The following GLRA3 variants were observed in gnomAD, a reference collection of about 807,000 sequenced individuals.
GLRA3 encodes glycine receptor subunit alpha-3.
A neutral mutation model predicts 60.4 loss-of-function variants in GLRA3; 44 were observed. The ratio of observed to expected loss-of-function variants is 0.73; its 90% confidence interval spans 0.57 to 0.94. The LOEUF (loss-of-function observed/expected upper bound fraction) is 0.94, where lower values mean the gene tolerates loss of function less well. Ranked by LOEUF, GLRA3 falls within the 40% of genes least tolerant of loss-of-function variation. The pLI is 0.00. For missense variants in GLRA3, 508 were observed against 564.6 expected (o/e 0.90, Z 1.02); for synonymous variants, 223 against 192.9 (o/e 1.16, Z -1.29).
chr4:174,696,716 T>G (rs10213085), intron 5 of GLRA3, among the ~76,000 whole-genome samples: 28,108 of 151,956 alleles, frequency 0.18, 2,856 homozygotes, highest in East Asian at 0.34. Context: ...GTTTTTAAAT[T>G]TACTGTATTT....
intron 5 of GLRA3, among the ~76,000 whole-genome samples, chr4:174,691,519 G>A (rs1350260498): frequency 6.6e-6 from 1 of 152,190 alleles, no homozygotes; most frequent in Admixed American, 6.5e-5. Flanking sequence ...CCTGCCGAGT[G>A]CCTGCGATTG....
In GLRA3 at chr4:174,684,271, G is replaced by T. The variant is rs1052922321; in HGVS notation, c.575-1332C>A. 4.6e-5 allele frequency among the ~76,000 whole-genome samples: 7 copies of T among 151,644 alleles called. No individual in the cohort carries two copies. The East Asian group carries it at 1.4e-3, about 29-fold the overall frequency. ...CCTCATGAAAATAAATAACAACTTG[G>T]GGTTAAAAAAAAAAGAAAAAGAAAA... On this transcript the variant is annotated intron_variant, in intron 5 of 9. Coordinates refer to ENST00000274093, the MANE Select transcript of GLRA3 (RefSeq NM_006529.4).
intron 5 of GLRA3, among the ~76,000 whole-genome samples, chr4:174,703,092 C>A (rs1045942480): frequency 1.3e-5 from 2 of 152,152 alleles, no homozygotes; most frequent in African/African-American, 4.8e-5. Context: ...TTGCCAGGAA[C>A]TGGGGACTAT....
At chr4:174,781,805 C>A (rs1307565385) in intron 2 of GLRA3, among the ~76,000 whole-genome samples, 11 of 152,226 alleles carry the variant, frequency 7.2e-5, no homozygotes, top group Admixed American at 2.0e-4. Context: ...ACATGCTCTG[C>A]AATTGTGGCA....
At position 174,820,344 on chromosome 4, in the gene GLRA3, T is replaced by C. The variant is rs114462206; in HGVS notation, c.71+8397A>G. Among the ~76,000 whole-genome samples the C allele has an allele frequency of 5.0e-4, 76 of 152,304 alleles. 2 individuals are homozygous for C. Among genetic ancestry groups the C allele is most frequent in the Non-Finnish European group, 3.7e-4 (25 of 68,028 alleles). On this transcript the variant is annotated intron_variant, in intron 1 of 9. Transcript: ENST00000274093. Reference sequence around the variant, plus strand: ...AGTTTTGGTTATGCCTGGAGTTATTTATCTGAAATTGTTAATGTGCTTTAG... The same window carrying C: ...AGTTTTGGTTATGCCTGGAGTTATTCATCTGAAATTGTTAATGTGCTTTAG...
Position 174,694,108 on chromosome 4 carries a change from A to G in GLRA3, c.575-11169T>C, listed in dbSNP as rs571803446. The stretch of plus-strand genomic sequence containing the variant: ...TAAAGCAAGTTCTTAGAGACCTACA[A>G]AGAGAAACAGACTCCCACACAATAA... On this transcript the variant is annotated intron_variant, in intron 5 of 9. Transcript: ENST00000274093. Among the ~76,000 whole-genome samples the G allele has an allele frequency of 1.1e-3, 175 of 152,280 alleles. 1 individual carries two copies. The highest frequency in any genetic ancestry group is 2.0e-3 in the Non-Finnish European group (137 of 68,004).
At chr4:174,674,286 G>T (rs1579424522) in intron 7 of GLRA3, among the ~76,000 whole-genome samples, 1 of 152,144 alleles carries the variant, frequency 6.6e-6, no homozygotes, top group African/African-American at 2.4e-5. Flanking sequence ...CAAGCACATG[G>T]TGTAAGAAAG....
intron 7 of GLRA3, among the ~76,000 whole-genome samples, chr4:174,667,390 C>T (rs1213920952): frequency 6.6e-6 from 1 of 152,092 alleles, no homozygotes; most frequent in Non-Finnish European, 1.5e-5. Context: ...ATGATCTGAT[C>T]ACTGTGATAT....
intron 2 of GLRA3, among the ~76,000 whole-genome samples, chr4:174,776,328 A>G (rs6851846): frequency 0.95 from 144,387 of 152,172 alleles, 68,943 homozygotes; most frequent in East Asian, 1. Context: ...TAGAGAAATA[A>G]CAGAAAAATG....
At chr4:174,720,903 T>C (rs1736103328) in intron 4 of GLRA3, among the ~76,000 whole-genome samples, 1 of 152,054 alleles carries the variant, frequency 6.6e-6, no homozygotes, top group Non-Finnish European at 1.5e-5. Flanking sequence ...GGTAGACAAA[T>C]AGCTAAACAA....
intron 5 of GLRA3, among the ~76,000 whole-genome samples, chr4:174,703,250 G>T (rs1213340853): frequency 6.6e-6 from 1 of 152,130 alleles, no homozygotes; most frequent in Non-Finnish European, 1.5e-5. Context: ...GAATCCACTG[G>T]TGAGGATCTA....
intron 1 of GLRA3, among the ~76,000 whole-genome samples, chr4:174,825,033 T>G (rs1213776187): frequency 6.6e-6 from 1 of 152,078 alleles, no homozygotes; most frequent in East Asian, 1.9e-4. Context: ...GAAGAGGAAA[T>G]ATTTTTCAAG....
chr4:174,637,383 C>CT lies in GLRA3; in HGVS notation c.*6402_*6403insA. 6.6e-6 allele frequency: 1 copy of CT among 151,062 alleles called. No individual in the cohort carries two copies. 9.4% of individuals were successfully genotyped at this position (151,062 alleles called of 1,614,324 possible). On this transcript the variant is annotated 3_prime_UTR_variant, in exon 10 of 10. Transcript: ENST00000274093. ...ATGTCAGGGTACTTCACTCTATTTC[C>CT]CCCCCCATATTATCATTTATCATAC...
intron 9 of GLRA3, among the ~76,000 whole-genome samples, chr4:174,645,931 A>C (rs939436445): frequency 2.6e-5 from 4 of 152,214 alleles, no homozygotes; most frequent in Non-Finnish European, 4.4e-5. Flanking sequence ...TTAGAAAATC[A>C]TGCTGGTGTT....
chr4:174,687,606 G>A (rs960127012), intron 5 of GLRA3, among the ~76,000 whole-genome samples: 1 of 152,178 alleles, frequency 6.6e-6, no homozygotes, highest in African/African-American at 2.4e-5. Context: ...GGGAACAACA[G>A]ACAGTATTTG....
chr4:174,777,101 T>G (rs977759416), intron 2 of GLRA3, among the ~76,000 whole-genome samples: 1 of 151,940 alleles, frequency 6.6e-6, no homozygotes, highest in African/African-American at 2.4e-5. Context: ...TTTACAGAAA[T>G]GACACAAAAC....
chr4:174,812,305 A>G (rs1339844443), intron 1 of GLRA3, among the ~76,000 whole-genome samples: 1 of 152,192 alleles, frequency 6.6e-6, no homozygotes, highest in Non-Finnish European at 1.5e-5. Flanking sequence ...GTACACAGAT[A>G]TTGCAGTGAA....
At chr4:174,754,478 A>T (rs1222100231) in intron 3 of GLRA3, among the ~76,000 whole-genome samples, 1 of 152,168 alleles carries the variant, frequency 6.6e-6, no homozygotes, top group Non-Finnish European at 1.5e-5. Flanking sequence ...TTAAAAGGAT[A>T]GCAGGATACT....
intron 1 of GLRA3, among the ~76,000 whole-genome samples, chr4:174,790,865 G>A (rs1365390302): frequency 1.3e-5 from 2 of 148,464 alleles, no homozygotes; most frequent in South Asian, 2.2e-4. Flanking sequence ...TTAGCCGGGC[G>A]TAGTGGCGGG....
Sources: allele counts gnomAD v4.1 joint callset (sites outside exome capture counted in the v4.1 genomes callset), GRCh38; gene constraint gnomAD v4.1.1; transcripts MANE v1.5; gene names NCBI Gene and HGNC (gene_info 2026-07-23, HGNC 2026-07-21).